Variants in CNTN4 observed in about 807,000 individuals in gnomAD.
CNTN4 encodes the protein contactin-4.
Under a neutral mutation model 122.5 loss-of-function variants are expected in CNTN4, and 77 were observed. The ratio of observed to expected loss-of-function variants is 0.63; its 90% confidence interval spans 0.52 to 0.76. The LOEUF is 0.76. CNTN4 is among the 30% of genes least tolerant of loss of function. The pLI is 0.00. For missense variants in CNTN4, 1,256 were observed against 1,259.1 expected (o/e 1.00, Z 0.04); for synonymous variants, 512 against 447.0 (o/e 1.15, Z -1.83).
intron 3 of CNTN4, among the ~76,000 whole-genome samples, chr3:2,533,602 G>A (rs947083744): frequency 6.6e-6 from 1 of 152,148 alleles, no homozygotes; most frequent in African/African-American, 2.4e-5. Context: ...ACATATGTGT[G>A]CATGTATCTT....
At chr3:2,245,351 A>G (rs1436953401) in intron 2 of CNTN4, among the ~76,000 whole-genome samples, 1 of 152,092 alleles carries the variant, frequency 6.6e-6, no homozygotes, top group African/African-American at 2.4e-5. Flanking sequence ...CTTTCCGAGT[A>G]GCTACTTTGT....
At chr3:2,539,369 C>G (rs1479536) in intron 3 of CNTN4, among the ~76,000 whole-genome samples, 51 of 152,134 alleles carry the variant, frequency 3.4e-4, no homozygotes, top group African/African-American at 1.2e-3. Flanking sequence ...TTCCTGCAAC[C>G]TAATGCTTTG....
chr3:2,782,410 C>T (rs1016991916), intron 6 of CNTN4, among the ~76,000 whole-genome samples: 1 of 150,542 alleles, frequency 6.6e-6, no homozygotes, highest in Non-Finnish European at 1.5e-5. Flanking sequence ...TTCCTAGTGG[C>T]GATGAAGACT....
chr3:3,048,534 GTGTGTGTGTGTATT>G, intron 23 of CNTN4, among the ~76,000 whole-genome samples: 1 of 151,824 alleles, frequency 6.6e-6, no homozygotes, highest in African/African-American at 2.4e-5. Context: ...GTGTGTGTGT[GTGTGTGTGTGTATT>G]TGTGTGTGTG....
At chr3:2,988,300 A>T (rs745632912) in intron 13 of CNTN4, 45 bp from the exon 14 acceptor site, 2 of 1,588,610 alleles carry the variant, frequency 1.3e-6, no homozygotes, top group South Asian at 2.2e-5. Flanking sequence ...AATAGGTCAT[A>T]TGAGATAAAT....
intron 2 of CNTN4, among the ~76,000 whole-genome samples, chr3:2,320,233 C>G (rs2043233771): frequency 6.6e-6 from 1 of 152,110 alleles, no homozygotes; most frequent in African/African-American, 2.4e-5. Context: ...AGTGACCTTT[C>G]AAGCTCTAAA....
intron 2 of CNTN4, among the ~76,000 whole-genome samples, chr3:2,323,978 ACTT>A (rs1325952975): frequency 6.6e-6 from 1 of 152,188 alleles, no homozygotes; most frequent in Non-Finnish European, 1.5e-5. Flanking sequence ...GGGCTTCTCA[ACTT>A]CAACACTGTT....
chr3:2,983,213 CAAAAAAAAAAAAAAAAAAAAAAAAAA>C (rs57079892), intron 13 of CNTN4, among the ~76,000 whole-genome samples: 37 of 19,018 alleles, frequency 1.9e-3, no homozygotes, highest in East Asian at 0.011. Flanking sequence ...GACTCCATCT[CAAAAAAAAAAAAAAAAAAAAAAAAAA>C]AAAAAAAAAA....
chr3:2,767,050 T>G (rs1268990461), intron 6 of CNTN4, among the ~76,000 whole-genome samples: 1 of 152,186 alleles, frequency 6.6e-6, no homozygotes, highest in Non-Finnish European at 1.5e-5. Flanking sequence ...ATGGTCTTGG[T>G]GTATCACATG....
intron 4 of CNTN4, among the ~76,000 whole-genome samples, chr3:2,623,353 C>G (rs944444244): frequency 6.6e-6 from 1 of 151,746 alleles, no homozygotes; most frequent in Non-Finnish European, 1.5e-5. Context: ...GCACAGCAAT[C>G]ATTTCTGAGT....
chr3:2,292,964 A>G (rs1397013189), intron 2 of CNTN4, among the ~76,000 whole-genome samples: 1 of 152,186 alleles, frequency 6.6e-6, no homozygotes, highest in Non-Finnish European at 1.5e-5. Context: ...TTCATTAGAA[A>G]CTGCCAAGCT....
chr3:2,792,399 T>C (rs2092039580), intron 6 of CNTN4, among the ~76,000 whole-genome samples: 1 of 152,216 alleles, frequency 6.6e-6, no homozygotes, highest in Admixed American at 6.5e-5. Flanking sequence ...CCTCCTAGTT[T>C]GACAGAAATA....
At chr3:2,849,804 A>C (rs1007776035) in intron 7 of CNTN4, among the ~76,000 whole-genome samples, 1 of 152,184 alleles carries the variant, frequency 6.6e-6, no homozygotes, top group Non-Finnish European at 1.5e-5. Context: ...GAATCAGATA[A>C]TGTGAGTCAG....
Position 2,873,948 on chromosome 3 carries a change from G to A in CNTN4, c.652+6999G>A, listed in dbSNP as rs139711123. The stretch of plus-strand genomic sequence containing the variant: ...GCAACCTTTGTGTGGTTTTGTCACA[G>A]CAATCATGTCTTGATTTTAATTCTC... On this transcript the variant is annotated intron_variant, in intron 8 of 24. Coordinates refer to ENST00000418658, the MANE Select transcript of CNTN4 (RefSeq NM_175607.3). Among the ~76,000 whole-genome samples, 420 of 152,294 alleles carry A rather than the reference G, an allele frequency of 2.8e-3. 2 individuals carry two copies. The highest frequency in any genetic ancestry group is 4.9e-3 in the Non-Finnish European group (332 of 68,012).
intron 3 of CNTN4, among the ~76,000 whole-genome samples, chr3:2,355,598 C>T (rs1402604001): frequency 6.6e-6 from 1 of 152,166 alleles, no homozygotes; most frequent in Admixed American, 6.5e-5. Flanking sequence ...CAATCCCCTC[C>T]TGCGCCCTCC....
intron 6 of CNTN4, among the ~76,000 whole-genome samples, chr3:2,813,017 G>A (rs1356440121): frequency 2.0e-5 from 3 of 152,032 alleles, no homozygotes; most frequent in East Asian, 1.9e-4. Context: ...TCAAAAATAC[G>A]ACTTTGAAAC....
At chr3:2,665,631 C>A (rs142249811) in intron 4 of CNTN4, among the ~76,000 whole-genome samples, 4 of 152,186 alleles carry the variant, frequency 2.6e-5, no homozygotes, top group African/African-American at 9.6e-5. Flanking sequence ...TTTGTGATAG[C>A]AAATTCCCTA....
At chr3:2,335,540 C>A (rs1217375439) in intron 2 of CNTN4, among the ~76,000 whole-genome samples, 2 of 151,218 alleles carry the variant, frequency 1.3e-5, no homozygotes, top group African/African-American at 4.9e-5. Context: ...GTTTCTTTCC[C>A]CCTGTAAAGC....
At chr3:2,430,195 G>A (rs755023910) in intron 3 of CNTN4, among the ~76,000 whole-genome samples, 9 of 151,936 alleles carry the variant, frequency 5.9e-5, no homozygotes, top group East Asian at 1.9e-4. Context: ...AGGCCGAGGC[G>A]GGTGGATCAC....
Sources: gnomAD v4.1 joint callset for allele counts (sites outside exome capture counted in the v4.1 genomes callset) on GRCh38, gnomAD v4.1.1 for gene constraint, MANE v1.5 for transcripts, NCBI Gene and HGNC (gene_info 2026-07-23, HGNC 2026-07-21) for gene names.